The following NCOR2 variants were observed in gnomAD, a reference collection of about 807,000 sequenced individuals.
The protein encoded by NCOR2 is nuclear receptor corepressor 2, also known as CTG repeat protein 26.
Under a neutral mutation model 262.9 loss-of-function variants are expected in NCOR2, and 81 were observed. The observed-to-expected ratio is 0.31, with a 90% CI of 0.26 to 0.37. NCOR2 has a LOEUF of 0.37. NCOR2 is among the 10% of genes least tolerant of loss of function. NCOR2 has a pLI of 1.00. For synonymous variants in NCOR2, 1,659 were observed against 1,559.3 expected, an observed-to-expected ratio of 1.06 and a Z score of -1.51; for missense variants, 3,385 against 3,621.4, an observed-to-expected ratio of 0.93 and a Z score of 1.68.
intron 1 of NCOR2, among the ~76,000 whole-genome samples, chr12:124,500,802 G>A (rs2048659308): frequency 6.6e-6 from 1 of 152,102 alleles, no homozygotes; most frequent in South Asian, 2.1e-4. Context: ...ACCTGGGGAG[G>A]GTGGAATTAC....
chr12:124,385,990 G>T, intron 16 of NCOR2, 103 bp from the exon 19 acceptor site: 1 of 1,404,536 alleles, frequency 7.1e-7, no homozygotes, highest in Non-Finnish European at 9.5e-7. Context: ...CAGAAACCCA[G>T]CCTGGGGCTC....
intron 1 of NCOR2, chr12:124,513,232 G>C (rs896772909): frequency 3.3e-5 from 5 of 152,260 alleles, no homozygotes; most frequent in African/African-American, 9.6e-5. Flanking sequence ...AGGAACAAAG[G>C]GCTCATTGTC....
chr12:124,330,016 GATA>G (rs556946774), intron 44 of NCOR2, among the ~76,000 whole-genome samples: 136 of 152,318 alleles, frequency 8.9e-4, no homozygotes, highest in African/African-American at 3.2e-3. Context: ...CTGACCCCCT[GATA>G]ATATCTGAAC....
intron 1 of NCOR2, among the ~76,000 whole-genome samples, chr12:124,520,217 C>T (rs79042422): frequency 8.5e-5 from 13 of 152,306 alleles, no homozygotes; most frequent in Admixed American, 3.3e-4. Context: ...GCTACTCTTA[C>T]GCCTTCTTTT....
chr12:124,448,798 C>T (rs1237521789), intron 7 of NCOR2, among the ~76,000 whole-genome samples: 4 of 152,154 alleles, frequency 2.6e-5, no homozygotes, highest in South Asian at 2.1e-4. Flanking sequence ...AGCTCACCAC[C>T]GCATATACAC....
At chr12:124,456,509 CCATCATCAT>C (rs377759859) in intron 6 of NCOR2, among the ~76,000 whole-genome samples, 2 of 151,878 alleles carry the variant, frequency 1.3e-5, no homozygotes, top group Non-Finnish European at 2.9e-5. Context: ...GCCATCATCG[CCATCATCAT>C]CATCATCATC....
In NCOR2 at chr12:124,344,668, GC is replaced by G; in HGVS notation, c.4642del (p.Ala1548HisfsTer13). 6.7e-7 allele frequency: 1 copy of G among 1,501,076 alleles called. No individual in the cohort carries two copies. The highest frequency in any genetic ancestry group is 2.2e-5 in the Admixed American group (1 of 46,058). 93.0% of individuals were successfully genotyped at this position (1,501,076 alleles called of 1,614,324 possible). ...TCGTGGGAGGTGGCCGGCAAAGGGT[GC>G]CCCGTGGTCCTCATAGGTCAGGGGG... is the stretch of plus-strand genomic sequence containing the variant. On this transcript the variant is annotated frameshift_variant, in exon 32 of 47. Transcript: ENST00000405201. LOFTEE classifies it high-confidence loss of function.
At chr12:124,422,598 G>C in intron 11 of NCOR2, 43 bp from the exon 14 acceptor site, 2 of 1,610,016 alleles carry the variant, frequency 1.2e-6, no homozygotes, top group Non-Finnish European at 1.7e-6. Context: ...GCCGAGGGGG[G>C]CTTTCCTGCG....
rs545344971 is a variant in NCOR2, at chr12:124,417,994, G to A, written c.1482+1963C>T. Among the ~76,000 whole-genome samples the A allele has an allele frequency of 5.3e-5, 8 of 151,706 alleles. No homozygotes were observed. The South Asian group carries it at 1.7e-3, about 32-fold the overall frequency. Reference sequence around the variant, plus strand: ...GAGAATCACTCTAACCCAGGAGGCAGAGGTTGCAGTGAGCTGGGATCGCGC... The same window carrying A: ...GAGAATCACTCTAACCCAGGAGGCAAAGGTTGCAGTGAGCTGGGATCGCGC... On this transcript the variant is annotated intron_variant, in intron 13 of 46. Coordinates refer to ENST00000405201, the Ensembl canonical transcript of NCOR2.
chr12:124,392,294 A>C (rs932874484), intron 16 of NCOR2, among the ~76,000 whole-genome samples: 1 of 152,162 alleles, frequency 6.6e-6, no homozygotes, highest in African/African-American at 2.4e-5. Flanking sequence ...CTGTACCCCA[A>C]GTTCCTGCAG....
intron 1 of NCOR2, among the ~76,000 whole-genome samples, chr12:124,491,572 C>T (rs2048085836): frequency 6.6e-6 from 1 of 152,212 alleles, no homozygotes; most frequent in African/African-American, 2.4e-5. Context: ...AAGAGTCACG[C>T]TGGGATTCAG....
chr12:124,344,978 G>C, intron 31 of NCOR2, 27 bp from the exon 34 acceptor site: 1 of 1,500,112 alleles, frequency 6.7e-7, no homozygotes, highest in East Asian at 2.5e-5. Context: ...GTAAGCTCTA[G>C]CCCTGGCCAC....
At chr12:124,373,121 G>A (rs1481403873) in intron 19 of NCOR2, among the ~76,000 whole-genome samples, 1 of 152,260 alleles carries the variant, frequency 6.6e-6, no homozygotes, top group Non-Finnish European at 1.5e-5. Context: ...GAGGGCAAGG[G>A]CAACTGCCTG....
intron 11 of NCOR2, 117 bp from the exon 14 acceptor site, chr12:124,422,672 C>A: frequency 8.3e-7 from 1 of 1,207,572 alleles, no homozygotes; most frequent in South Asian, 1.3e-5. Context: ...GGCACCGCCC[C>A]ACTTGGAGCA....
chr12:124,528,213 A>T (rs79617619), intron 1 of NCOR2, among the ~76,000 whole-genome samples: 6,338 of 152,312 alleles, frequency 0.042, 173 homozygotes, highest in East Asian at 0.12. Context: ...GGTGGGGATG[A>T]CTATGAGACG....
At chr12:124,351,079 C>T (rs1332970953) in intron 27 of NCOR2, among the ~76,000 whole-genome samples, 1 of 152,162 alleles carries the variant, frequency 6.6e-6, no homozygotes. Context: ...GTGACTTTAC[C>T]CGGGGTCACC....
At chr12:124,372,897 C>G (rs1461973325) in intron 19 of NCOR2, among the ~76,000 whole-genome samples, 1 of 152,168 alleles carries the variant, frequency 6.6e-6, no homozygotes, top group Non-Finnish European at 1.5e-5. Context: ...GTGGTCAGCA[C>G]CCCCGACAGA....
At chr12:124,462,281 C>T (rs1399398249) in intron 5 of NCOR2, among the ~76,000 whole-genome samples, 2 of 152,218 alleles carry the variant, frequency 1.3e-5, no homozygotes, top group Non-Finnish European at 2.9e-5. Context: ...AAGCCCCATC[C>T]TAGCCCCTTC....
chr12:124,493,627 C>T (rs1398126390), intron 1 of NCOR2, among the ~76,000 whole-genome samples: 1 of 152,198 alleles, frequency 6.6e-6, no homozygotes, highest in Non-Finnish European at 1.5e-5. Context: ...ATGCACACAA[C>T]CATATACACT....
Sources: gnomAD v4.1 joint callset for allele counts (sites outside exome capture counted in the v4.1 genomes callset) on GRCh38, gnomAD v4.1.1 for gene constraint, MANE v1.5 for transcripts, NCBI Gene and HGNC (gene_info 2026-07-23, HGNC 2026-07-21) for gene names.